Variants in FSHR observed in about 807,000 individuals in gnomAD.
FSHR encodes follicle stimulating hormone receptor, also known as follicle-stimulating hormone receptor.
Under a neutral mutation model 52.1 loss-of-function variants are expected in FSHR, and 46 were observed. The observed-to-expected ratio is 0.88, with a 90% CI of 0.70 to 1.13. FSHR has a LOEUF of 1.13. Among genes scored for constraint, FSHR ranks in the 50% most tolerant of loss-of-function variants. The probability of loss-of-function intolerance (pLI) is 0.00; values close to 1 mark genes in which losing one functional copy is unlikely to be tolerated. For missense variants in FSHR, 964 were observed against 834.6 expected (o/e 1.16, Z -1.91); for synonymous variants, 399 against 309.6 (o/e 1.29, Z -3.03).
At chr2:49,135,191 C>T (rs112703821) in intron 1 of FSHR, among the ~76,000 whole-genome samples, 2,487 of 151,894 alleles carry the variant, frequency 0.016, 35 homozygotes, top group Non-Finnish European at 0.024. Context: ...ATGGAACATT[C>T]TCCAGGATAG....
At chr2:49,061,749 A>ACTATATATAAAAATATATAG (rs1669309530) in intron 2 of FSHR, among the ~76,000 whole-genome samples, 1 of 58,996 alleles carries the variant, frequency 1.7e-5, no homozygotes, top group Non-Finnish European at 4.2e-5. Flanking sequence ...TTTATATATA[A>ACTATATATAAAAATATATAG]CTATTTATAT....
At position 49,134,158 on chromosome 2, in the gene FSHR, CA is replaced by C. The variant is rs1238421323; in HGVS notation, c.152+20107del. On this transcript the variant is annotated intron_variant, in intron 1 of 9. Coordinates refer to ENST00000406846, the MANE Select transcript of FSHR (RefSeq NM_000145.4). ...CCTACAGAATGGGAGAAAATTTTTA[CA>C]ATCTACCCATCTGATAAAGTGCTAA... 3.9e-5 allele frequency among the ~76,000 whole-genome samples: 6 copies of C among 152,266 alleles called. No homozygotes were observed. The East Asian group carries it at 1.2e-3, about 29-fold the overall frequency.
chr2:49,148,041 T>C (rs1478388789), intron 1 of FSHR, among the ~76,000 whole-genome samples: 1 of 152,092 alleles, frequency 6.6e-6, no homozygotes, highest in Non-Finnish European at 1.5e-5. Context: ...AACTTAAAAT[T>C]CAGGGTCTAG....
intron 2 of FSHR, among the ~76,000 whole-genome samples, chr2:49,067,394 G>A (rs972655263): frequency 2.0e-5 from 3 of 152,122 alleles, no homozygotes; most frequent in South Asian, 2.1e-4. Flanking sequence ...CTTCAAGAAA[G>A]AAACACATGA....
chr2:49,022,011 A>C lies in FSHR; in HGVS notation c.225-1851T>G, dbSNP rs13031121. ...TCTGAGAGGTACAGAATTGAGAAGG[A>C]GGGGGAAAGGGATGGAAGAAGAAAG... On this transcript the variant is annotated intron_variant, in intron 2 of 9. Coordinates refer to ENST00000406846, the MANE Select transcript of FSHR (RefSeq NM_000145.4). Among the ~76,000 whole-genome samples the C allele has an allele frequency of 2.2e-4, 33 of 148,514 alleles. No homozygotes were observed. In the South Asian group the frequency reaches 6.3e-3, roughly 28 times the overall value.
intron 1 of FSHR, among the ~76,000 whole-genome samples, chr2:49,125,318 T>TAA (rs34495125): frequency 1.5e-4 from 23 of 150,282 alleles, no homozygotes; most frequent in East Asian, 5.8e-4. Context: ...GCTGGTGAGC[T>TAA]AAAAAAAAAA....
At chr2:49,086,673 C>A (rs1455128995) in intron 1 of FSHR, among the ~76,000 whole-genome samples, 1 of 152,154 alleles carries the variant, frequency 6.6e-6, no homozygotes, top group Admixed American at 6.5e-5. Context: ...TGAAGTCTTG[C>A]TCTTTTGCCG....
intron 1 of FSHR, among the ~76,000 whole-genome samples, chr2:49,142,681 GT>G (rs1251534374): frequency 2.0e-5 from 3 of 152,170 alleles, no homozygotes; most frequent in Non-Finnish European, 4.4e-5. Context: ...GGGATAGACT[GT>G]TAATTCAAGT....
At chr2:49,113,208 C>T (rs548472245) in intron 1 of FSHR, among the ~76,000 whole-genome samples, 10 of 152,242 alleles carry the variant, frequency 6.6e-5, no homozygotes, top group African/African-American at 2.4e-4. Context: ...CTCCAAGTCC[C>T]CAGAGCTAGT....
At chr2:48,972,674 C>G (rs75132941) in intron 8 of FSHR, among the ~76,000 whole-genome samples, 1 of 152,046 alleles carries the variant, frequency 6.6e-6, no homozygotes, top group Non-Finnish European at 1.5e-5. Flanking sequence ...AGACCCAACT[C>G]CCTGTTTTGT....
intron 1 of FSHR, among the ~76,000 whole-genome samples, chr2:49,095,731 C>T (rs1193429300): frequency 6.6e-6 from 1 of 152,016 alleles, no homozygotes; most frequent in African/African-American, 2.4e-5. Context: ...TGAGAAAGGT[C>T]TTTTATCAAG....
intron 4 of FSHR, among the ~76,000 whole-genome samples, chr2:49,014,386 CAG>C (rs1351919273): frequency 6.6e-6 from 1 of 152,096 alleles, no homozygotes; most frequent in Admixed American, 6.6e-5. Context: ...CAAAGTGAGA[CAG>C]AAAGACACAA....
intron 6 of FSHR, among the ~76,000 whole-genome samples, chr2:48,985,347 A>C (rs1251909832): frequency 6.6e-6 from 1 of 152,212 alleles, no homozygotes; most frequent in Non-Finnish European, 1.5e-5. Flanking sequence ...GGAGACGGGC[A>C]GACTGAGGAA....
intron 1 of FSHR, among the ~76,000 whole-genome samples, chr2:49,138,263 G>A (rs373787397): frequency 3.9e-5 from 6 of 152,150 alleles, no homozygotes; most frequent in Admixed American, 6.5e-5. Flanking sequence ...TACACTGTTC[G>A]TGGGAATGTA....
intron 8 of FSHR, among the ~76,000 whole-genome samples, chr2:48,982,513 G>C (rs949547009): frequency 2.6e-5 from 4 of 152,154 alleles, no homozygotes; most frequent in African/African-American, 9.6e-5. Flanking sequence ...CCATGAGTTA[G>C]ATCAGTTTAA....
chr2:49,072,069 C>G (rs559565391), intron 1 of FSHR, among the ~76,000 whole-genome samples: 2 of 152,106 alleles, frequency 1.3e-5, no homozygotes, highest in South Asian at 4.2e-4. Context: ...AACATATTGA[C>G]CAAGAACTAG....
At chr2:49,099,378 G>T (rs929829448) in intron 1 of FSHR, among the ~76,000 whole-genome samples, 2 of 151,758 alleles carry the variant, frequency 1.3e-5, no homozygotes, top group African/African-American at 2.4e-5. Flanking sequence ...TTTCCCTTCC[G>T]CCATGATCGT....
intron 1 of FSHR, among the ~76,000 whole-genome samples, chr2:49,143,107 T>C (rs1022429380): frequency 6.6e-6 from 1 of 152,114 alleles, no homozygotes; most frequent in South Asian, 2.1e-4. Context: ...GAGCTCACCA[T>C]ACAGAGAGAA....
chr2:49,144,749 A>G (rs891886587), intron 1 of FSHR, among the ~76,000 whole-genome samples: 2 of 152,100 alleles, frequency 1.3e-5, no homozygotes, highest in Non-Finnish European at 2.9e-5. Context: ...TGATGGGTAC[A>G]TGGTAGTGGC....
Sources: allele counts gnomAD v4.1 joint callset (sites outside exome capture counted in the v4.1 genomes callset), GRCh38; gene constraint gnomAD v4.1.1; transcripts MANE v1.5; gene names NCBI Gene and HGNC (gene_info 2026-07-23, HGNC 2026-07-21).